NDUFS8: variants seen among roughly 807,000 people sequenced by gnomAD.
The protein encoded by NDUFS8 is NADH dehydrogenase [ubiquinone] iron-sulfur protein 8, mitochondrial.
NDUFS8 carries 13 observed loss-of-function variants against 25.6 expected under a neutral mutation model. The ratio of observed to expected loss-of-function variants is 0.51; its 90% CI spans 0.33 to 0.81. NDUFS8 has a LOEUF of 0.81. NDUFS8 is among the 30% of genes least tolerant of loss of function. NDUFS8 has a pLI of 0.02. For missense variants in NDUFS8, 257 were observed against 300.9 expected (o/e 0.85, Z 1.08); for synonymous variants, 119 against 119.4 (o/e 1.00, Z 0.02).
intron 3 of NDUFS8, 179 bp from the exon 4 acceptor site, chr11:68,032,744 C>T (rs1481978038): frequency 6.1e-6 from 5 of 817,318 alleles, no homozygotes; most frequent in South Asian, 1.6e-5. Flanking sequence ...CGGACGGGCT[C>T]AGGCCAGAGG....
chr11:68,036,304 C>G lies in NDUFS8; in HGVS notation c.424C>G (p.Arg142Gly). Residue 142 changes from arginine (R) to glycine (G), a missense_variant, in exon 6 of 7, where the codon CGC (arginine) becomes GGC (glycine). Physicochemically the swap from Arg to Gly is moderately radical, Grantham distance 125. Transcript: ENST00000313468. ...PRADGSRRTT[R>G]YDIDMTKCIY... ...AGCTGATGGCAGCCGCCGGACCACC[C>G]GCTATGACATCGACATGACCAAGTG... 1 of 1,613,452 alleles carries G rather than the reference C, an allele frequency of 6.2e-7. No homozygotes were observed. Among genetic ancestry groups the G allele is most frequent in the Non-Finnish European group, 8.5e-7 (1 of 1,179,978 alleles).
chr11:68,032,892 T>G lies in NDUFS8; in HGVS notation c.110-31T>G, dbSNP rs1465235641. 3.1e-6 allele frequency: 5 copies of G among 1,606,150 alleles called. No homozygotes were observed. In the South Asian group the frequency reaches 5.5e-5, roughly 18 times the overall value. On this transcript the variant is annotated intron_variant, in intron 3 of 6. Coordinates refer to ENST00000313468, the MANE Select transcript of NDUFS8 (RefSeq NM_002496.4). ...CAGGGAGACAGTGTGTGAGGCCTCT[T>G]GCCATGGCCTCCCTGCCCGCCTCTC...
intron 3 of NDUFS8, 200 bp from the exon 4 acceptor site, chr11:68,032,721 GGA>G: frequency 1.3e-6 from 1 of 780,538 alleles, no homozygotes; most frequent in South Asian, 1.7e-5. Flanking sequence ...CCAAGCACAG[GGA>G]GAGGTAGGCA....
chr11:68,036,324 C>T lies in NDUFS8; in HGVS notation c.444C>T (p.Thr148=). The T allele has an allele frequency of 6.2e-7, 1 of 1,613,724 alleles. No individual in the cohort carries two copies. The highest frequency in any genetic ancestry group is 8.5e-7 in the Non-Finnish European group (1 of 1,180,012). The stretch of plus-strand genomic sequence containing the variant: ...CCACCCGCTATGACATCGACATGAC[C>T]AAGTGCATCTACTGCGGCTTCTGCC... ...RRTTRYDIDM[T]KCIYCGFCQE... The change falls in exon 6 of 7, where the codon ACC becomes ACT. Residue 148 remains threonine (T), a synonymous_variant. Coordinates refer to ENST00000313468, the MANE Select transcript of NDUFS8 (RefSeq NM_002496.4).
chr11:68,032,924 G>A lies in NDUFS8; in HGVS notation c.111G>A (p.Lys37=), dbSNP rs1006734781. Residue 37 remains lysine, a splice_region_variant and synonymous_variant, in exon 4 of 7, where the codon AAG becomes AAA. Coordinates refer to ENST00000313468, the MANE Select transcript of NDUFS8 (RefSeq NM_002496.4). ...LHSSAVAATY[K]YVNMQDPEMD... is the part of the protein sequence containing the mutation. ...GCCTCCCTGCCCGCCTCTCTGCAGA[G>A]TATGTGAACATGCAGGATCCCGAGA... is the stretch of plus-strand genomic sequence containing the variant. The A allele has an allele frequency of 9.3e-6, 15 of 1,613,736 alleles. No individual in the cohort carries two copies. Among genetic ancestry groups the A allele is most frequent in the African/African-American group, 1.3e-5 (1 of 74,934 alleles).
At chr11:68,036,171 G>A in intron 5 of NDUFS8, 82 bp from the exon 6 acceptor site, 1 of 1,600,350 alleles carries the variant, frequency 6.2e-7, no homozygotes, top group Non-Finnish European at 8.5e-7. Flanking sequence ...AGACCCCAGG[G>A]GTGGGGATGA....
chr11:68,032,334 A>G lies in NDUFS8; in HGVS notation c.107A>G (p.Tyr36Cys), dbSNP rs1394107710. The G allele has an allele frequency of 6.2e-7, 1 of 1,613,284 alleles. No homozygotes were observed. Among genetic ancestry groups the G allele is most frequent in the East Asian group, 2.2e-5 (1 of 44,886 alleles). The change falls in exon 3 of 7, where the codon TAC (tyrosine) becomes TGC (cysteine). Residue 36 changes from tyrosine to cysteine, a missense_variant and splice_region_variant. Tyr to Cys is a radical substitution (Grantham distance 194). Coordinates refer to ENST00000313468, the MANE Select transcript of NDUFS8 (RefSeq NM_002496.4). Reference protein sequence around the residue: ...SLHSSAVAATYKYVNMQDPEM... With the variant: ...SLHSSAVAATCKYVNMQDPEM... The stretch of plus-strand genomic sequence containing the variant: ...CACAGCAGTGCAGTGGCAGCCACCT[A>G]CAGTGAGTACCTGGGTGGCCTCTAG...
intron 3 of NDUFS8, 95 bp from the exon 4 acceptor site, chr11:68,032,828 C>T (rs754649063): frequency 1.1e-5 from 13 of 1,225,326 alleles, no homozygotes; most frequent in Admixed American, 5.2e-5. Context: ...CCAGCAGTTG[C>T]ACCTGGAAGT....
intron 1 of NDUFS8, chr11:68,030,990 G>T: frequency 2.5e-6 from 1 of 405,072 alleles, no homozygotes; most frequent in Non-Finnish European, 5.1e-6. Context: ...TGGGTCCCTG[G>T]AACTGCAGTC....
chr11:68,031,174 C>A (rs1242147149), intron 1 of NDUFS8: 1 of 243,642 alleles, frequency 4.1e-6, no homozygotes, highest in Non-Finnish European at 8.4e-6. Context: ...GGTCAGGTCA[C>A]ATCATCTGCC....
chr11:68,032,739 G>A (rs144200528), intron 3 of NDUFS8, 184 bp from the exon 4 acceptor site: 28 of 800,296 alleles, frequency 3.5e-5, no homozygotes, highest in South Asian at 2.1e-4. Flanking sequence ...AGGCACGGAC[G>A]GGCTCAGGCC....
At chr11:68,032,036 C>G in intron 1 of NDUFS8, 116 bp from the exon 2 acceptor site, 1 of 1,466,642 alleles carries the variant, frequency 6.8e-7, no homozygotes, top group Non-Finnish European at 9.5e-7. Flanking sequence ...CAATGGGGTG[C>G]GAGTAGAGGG....
intron 5 of NDUFS8, chr11:68,033,568 C>T: frequency 1.9e-6 from 1 of 523,716 alleles, no homozygotes; most frequent in Non-Finnish European, 3.5e-6. Context: ...GCCTCTGAGC[C>T]ATGGGGTGAC....
rs775748305 is a variant in NDUFS8, at chr11:68,032,353, C to G, written c.109+17C>G. 2 of 1,612,976 alleles carry G rather than the reference C, an allele frequency of 1.2e-6. No individual in the cohort carries two copies. Among genetic ancestry groups the G allele is most frequent in the South Asian group, 2.2e-5 (2 of 91,032 alleles). The stretch of plus-strand genomic sequence containing the variant: ...CCACCTACAGTGAGTACCTGGGTGG[C>G]CTCTAGCCTCAGGTGTTCCTGACTG... On this transcript the variant is annotated intron_variant, in intron 3 of 6. Coordinates refer to ENST00000313468, the MANE Select transcript of NDUFS8 (RefSeq NM_002496.4).
chr11:68,032,910 C>T lies in NDUFS8; in HGVS notation c.110-13C>T, dbSNP rs768795545. 5.6e-5 allele frequency: 91 copies of T among 1,613,338 alleles called. No individual in the cohort carries two copies. The highest frequency in any genetic ancestry group is 7.4e-5 in the Non-Finnish European group (87 of 1,179,770). On this transcript the variant is annotated splice_polypyrimidine_tract_variant and intron_variant, in intron 3 of 6. Coordinates refer to ENST00000313468, the MANE Select transcript of NDUFS8 (RefSeq NM_002496.4). ...GGCCTCTTGCCATGGCCTCCCTGCCCGCCTCTCTGCAGAGTATGTGAACAT... is the reference window on the plus strand; with the variant it reads ...GGCCTCTTGCCATGGCCTCCCTGCCTGCCTCTCTGCAGAGTATGTGAACAT...
chr11:68,033,180 C>T lies in NDUFS8; in HGVS notation c.269C>T (p.Pro90Leu), dbSNP rs746246241. 5 of 1,612,394 alleles carry T rather than the reference C, an allele frequency of 3.1e-6. No individual in the cohort carries two copies. The East Asian group carries it at 8.9e-5, about 29-fold the overall frequency. ...ATINYPFEKG[P>L]LSPRFRGEHA... Reference sequence around the variant, plus strand: ...ATCAACTACCCGTTCGAGAAGGGCCCGCTGAGCCCTCGCTTCCGTGGGGAG... The same window carrying T: ...ATCAACTACCCGTTCGAGAAGGGCCTGCTGAGCCCTCGCTTCCGTGGGGAG... The change falls in exon 5 of 7, where the codon CCG (proline) becomes CTG (leucine). Residue 90 changes from proline (P) to leucine (L), a missense_variant. Pro to Leu is a moderately conservative substitution (Grantham distance 98). Transcript: ENST00000313468.
At chr11:68,035,755 C>CA (rs1565147383) in intron 5 of NDUFS8, 1 of 453,448 alleles carries the variant, frequency 2.2e-6, no homozygotes, top group South Asian at 1.6e-5. Context: ...CACGGTGGCT[C>CA]ACGCTTGTAA....
chr11:68,032,293 T>C lies in NDUFS8; in HGVS notation c.66T>C (p.Pro22=), dbSNP rs749864835. ...ACGCCCTTCTTTTTGCAGGACCTCCTGGTGGCCGGAGCCTCCACAGCAGTG... is the reference window on the plus strand; with the variant it reads ...ACGCCCTTCTTTTTGCAGGACCTCCCGGTGGCCGGAGCCTCCACAGCAGTG... ...ALAQAARAGP[P]GGRSLHSSAV... Residue 22 remains proline, a synonymous_variant, in exon 3 of 7, where the codon CCT becomes CCC. Coordinates refer to ENST00000313468, the MANE Select transcript of NDUFS8 (RefSeq NM_002496.4). 1 of 1,613,830 alleles carries C rather than the reference T, an allele frequency of 6.2e-7. No homozygotes were observed.
intron 3 of NDUFS8, 182 bp from the exon 4 acceptor site, chr11:68,032,741 G>A (rs1590789391): frequency 4.9e-6 from 4 of 809,428 alleles, no homozygotes; most frequent in East Asian, 2.7e-5. Context: ...GCACGGACGG[G>A]CTCAGGCCAG....
Sources: allele counts gnomAD v4.1 joint callset, GRCh38; gene constraint gnomAD v4.1.1; transcripts MANE v1.5; gene names NCBI Gene and HGNC (gene_info 2026-07-23, HGNC 2026-07-21).